The following BRIX1 variants were observed in gnomAD, a reference collection of about 807,000 sequenced individuals.
The protein encoded by BRIX1 is ribosome biogenesis protein BRX1 homolog.
In BRIX1, 15 loss-of-function variants were observed where a neutral mutation model predicts 44.0. The ratio of observed to expected loss-of-function variants is 0.34; its 90% CI spans 0.23 to 0.53. The LOEUF (loss-of-function observed/expected upper bound fraction) is 0.53, where lower values mean the gene tolerates loss of function less well. Ranked by LOEUF, BRIX1 falls within the 20% of genes least tolerant of loss-of-function variation. BRIX1 has a pLI of 0.95. For missense variants in BRIX1, 420 were observed against 432.8 expected (o/e 0.97, Z 0.26); for synonymous variants, 149 against 135.4 (o/e 1.10, Z -0.70).
At chr5:34,918,807 C>CT (rs1764173850) in intron 2 of BRIX1, 1 of 155,224 alleles carries the variant, frequency 6.4e-6, no homozygotes, top group African/African-American at 2.7e-5. Context: ...CCACATGTTG[C>CT]TTTTTGGGCC....
Position 34,923,213 on chromosome 5 carries a change from G to A in BRIX1, c.642G>A (p.Arg214=). The A allele has an allele frequency of 6.2e-7, 1 of 1,613,394 alleles. No individual in the cohort carries two copies. The highest frequency in any genetic ancestry group is 8.5e-7 in the Non-Finnish European group (1 of 1,179,408). ...HVFTFTILDN[R]IWFRNFQIIE... ...TTACTTTCACCATTTTGGATAATAGGATATGGTTTCGGAACTTTCAGGTAA... is the reference window on the plus strand; with the variant it reads ...TTACTTTCACCATTTTGGATAATAGAATATGGTTTCGGAACTTTCAGGTAA... Residue 214 remains arginine, a synonymous_variant, in exon 8 of 10, where the codon AGG becomes AGA. Coordinates refer to ENST00000336767, the MANE Select transcript of BRIX1 (RefSeq NM_018321.4).
At position 34,924,746 on chromosome 5, in the gene BRIX1, T is replaced by C. The variant is rs1764315640; in HGVS notation, c.664-101T>C. The C allele has an allele frequency of 5.8e-6, 4 of 685,444 alleles. No homozygotes were observed. In the Admixed American group the frequency reaches 1.0e-4, roughly 18 times the overall value. The allele number at this position is 685,444 out of a possible 1,614,324, so 42.5% of individuals were successfully genotyped here. On this transcript the variant is annotated intron_variant, in intron 8 of 9. Coordinates refer to ENST00000336767, the MANE Select transcript of BRIX1 (RefSeq NM_018321.4). ...TTCACCCCCACCTTGATTTTATGGA[T>C]TATCAATTATTTCAGGCACATTTAT...
intron 9 of BRIX1, 66 bp downstream of exon 9, chr5:34,925,041 A>G (rs1764341851): frequency 6.4e-7 from 1 of 1,550,454 alleles, no homozygotes; most frequent in South Asian, 1.2e-5. Flanking sequence ...TGATTCTGTG[A>G]AGTAATTGCT....
intron 2 of BRIX1, among the ~76,000 whole-genome samples, chr5:34,919,233 G>A (rs530331704): frequency 7.4e-6 from 1 of 134,342 alleles, no homozygotes; most frequent in South Asian, 2.3e-4. Flanking sequence ...CCGTGATTGC[G>A]CCACTACATT....
intron 3 of BRIX1, chr5:34,921,474 C>T (rs577446925): frequency 3.9e-5 from 6 of 152,222 alleles, no homozygotes; most frequent in African/African-American, 1.4e-4. Context: ...GTTTTTAGTT[C>T]TATAAGTACT....
intron 8 of BRIX1, 42 bp from the exon 9 acceptor site, chr5:34,924,805 A>T: frequency 6.9e-7 from 1 of 1,443,446 alleles, no homozygotes; most frequent in Non-Finnish European, 9.7e-7. Flanking sequence ...TTTTGGGAAT[A>T]ACGTAACCAA....
At chr5:34,921,460 G>C (rs1248844427) in intron 3 of BRIX1, 2 of 152,154 alleles carry the variant, frequency 1.3e-5, no homozygotes. Flanking sequence ...TCATTAAAAA[G>C]GATGTTTTTA....
In BRIX1 at chr5:34,925,434, A is replaced by C. The variant is rs556111885; in HGVS notation, c.1001A>C (p.Lys334Thr). The change falls in exon 10 of 10, where the codon AAA becomes ACA. Residue 334 changes from lysine (K) to threonine (T), a missense_variant. Transcript: ENST00000336767. ...EPKVDLKARK[K>T]RIYKRQRKMK... ...AAAGTTGATTTGAAAGCAAGAAAGA[A>C]ACGGATTTACAAAAGGCAAAGAAAA... is the stretch of plus-strand genomic sequence containing the variant. The C allele has an allele frequency of 2.5e-6, 4 of 1,613,982 alleles. No individual in the cohort carries two copies. The highest frequency in any genetic ancestry group is 3.4e-6 in the Non-Finnish European group (4 of 1,179,996).
At chr5:34,921,129 C>A (rs1764228416) in intron 3 of BRIX1, 1 of 152,144 alleles carries the variant, frequency 6.6e-6, no homozygotes, top group African/African-American at 2.4e-5. Flanking sequence ...GCATGAGCCA[C>A]CTCATCCAGC....
At chr5:34,924,342 C>A (rs1180919557) in intron 8 of BRIX1, among the ~76,000 whole-genome samples, 1 of 152,178 alleles carries the variant, frequency 6.6e-6, no homozygotes, top group East Asian at 1.9e-4. Flanking sequence ...GGTAGACATG[C>A]CTGAACTAAT....
At chr5:34,919,655 T>G (rs972816898) in intron 2 of BRIX1, among the ~76,000 whole-genome samples, 185 bp from the exon 3 acceptor site, 1 of 152,330 alleles carries the variant, frequency 6.6e-6, no homozygotes, top group South Asian at 2.1e-4. Flanking sequence ...TTTCTTTACA[T>G]TTACAAAGAG....
intron 8 of BRIX1, among the ~76,000 whole-genome samples, chr5:34,924,071 A>C (rs970879723): frequency 2.0e-5 from 3 of 152,358 alleles, no homozygotes; most frequent in Admixed American, 1.3e-4. Context: ...AAGACCTAGC[A>C]AAATGTAATT....
intron 3 of BRIX1, 119 bp downstream of exon 3, chr5:34,920,002 T>G: frequency 1.9e-6 from 1 of 520,204 alleles, no homozygotes; most frequent in Non-Finnish European, 3.5e-6. Flanking sequence ...AGACACATTT[T>G]ATTAACTCTT....
In BRIX1 at chr5:34,918,434, T is replaced by TA; in HGVS notation, c.232dup (p.Met78AsnfsTer12). 1.2e-6 allele frequency: 2 copies of TA among 1,610,880 alleles called. No individual in the cohort carries two copies. Among genetic ancestry groups the TA allele is most frequent in the Non-Finnish European group, 1.7e-6 (2 of 1,177,862 alleles). On this transcript the variant is annotated frameshift_variant, in exon 2 of 10. Transcript: ENST00000336767. LOFTEE classifies it high-confidence loss of function. ...GGAATAAATTTTAGAACAAGACATT[T>TA]AATGCAGGACTTGAGAATGTTGATG...
chr5:34,925,628 T>A lies in BRIX1; in HGVS notation c.*133T>A. The A allele has an allele frequency of 2.9e-6, 2 of 684,664 alleles. No individual in the cohort carries two copies. The highest frequency in any genetic ancestry group is 4.5e-6 in the Non-Finnish European group (2 of 440,388). 42.4% of individuals were successfully genotyped at this position (684,664 alleles called of 1,614,324 possible). A position where few individuals can be genotyped will look rare whatever the true frequency, so the allele number is the denominator to read the frequency against. ...TTACAAGAAAGAAAAATTAAGATCT[T>A]AAAATCAGTGATTATCTTTTTCTAA... On this transcript the variant is annotated 3_prime_UTR_variant, in exon 10 of 10. Transcript: ENST00000336767.
In BRIX1 at chr5:34,918,441, G is replaced by C; in HGVS notation, c.237G>C (p.Gln79His). The change falls in exon 2 of 10, where the codon CAG (glutamine) becomes CAC (histidine). Residue 79 changes from glutamine to histidine, a missense_variant. Physicochemically the swap from Gln to His is conservative, Grantham distance 24 (BLOSUM62 0). Coordinates refer to ENST00000336767, the MANE Select transcript of BRIX1 (RefSeq NM_018321.4). The stretch of plus-strand genomic sequence containing the variant: ...ATTTTAGAACAAGACATTTAATGCA[G>C]GACTTGAGAATGTTGATGCCTCATT... ...GINFRTRHLM[Q>H]DLRMLMPHSK... is the part of the protein sequence containing the mutation. 1 of 1,609,366 alleles carries C rather than the reference G, an allele frequency of 6.2e-7. No homozygotes were observed. Among genetic ancestry groups the C allele is most frequent in the Non-Finnish European group, 8.5e-7 (1 of 1,177,096 alleles).
At chr5:34,918,656 C>A in intron 2 of BRIX1, 181 bp downstream of exon 2, 1 of 490,758 alleles carries the variant, frequency 2.0e-6, no homozygotes. Context: ...CTTTAGATTT[C>A]ATTAGGTAGA....
In BRIX1 at chr5:34,923,048, T is replaced by C; in HGVS notation, c.558T>C (p.Ile186=). Residue 186 remains isoleucine (I), a synonymous_variant, in exon 7 of 10, where the codon ATT becomes ATC. Coordinates refer to ENST00000336767, the MANE Select transcript of BRIX1 (RefSeq NM_018321.4). ...ATGCTTTGTTAAAAGAACTCTTAAT[T>C]CAGGTAAATATCTTTAAAATTAGCT... ...PHYALLKELL[I]QIFSTPRYHP... The C allele has an allele frequency of 6.4e-7, 1 of 1,555,630 alleles. No individual in the cohort carries two copies. The highest frequency in any genetic ancestry group is 1.7e-5 in the Admixed American group (1 of 59,704).
chr5:34,918,164 G>T, intron 1 of BRIX1, 200 bp from the exon 2 acceptor site: 3 of 317,292 alleles, frequency 9.5e-6, no homozygotes, highest in African/African-American at 2.3e-5. Context: ...AAAAAAACTA[G>T]CTGGACATGG....
Sources: gnomAD v4.1 joint callset for allele counts (sites outside exome capture counted in the v4.1 genomes callset) on GRCh38, gnomAD v4.1.1 for gene constraint, MANE v1.5 for transcripts, NCBI Gene and HGNC (gene_info 2026-07-23, HGNC 2026-07-21) for gene names.